Variants in LEF1 observed in about 807,000 individuals in gnomAD.
LEF1 encodes the protein lymphoid enhancer-binding factor 1.
LEF1 carries 14 observed loss-of-function variants against 51.2 expected under a neutral mutation model. The observed-to-expected ratio is 0.27, with a 90% confidence interval of 0.18 to 0.43. The LOEUF is 0.43. Ranked by LOEUF, LEF1 falls within the 20% of genes least tolerant of loss-of-function variation. LEF1 has a pLI of 1.00. For missense variants in LEF1, 386 were observed against 512.0 expected (o/e 0.75, Z 2.37); for synonymous variants, 185 against 183.2 (o/e 1.01, Z -0.08).
chr4:108,095,849 CTG>C (rs1282487802), intron 3 of LEF1, among the ~76,000 whole-genome samples: 1 of 152,120 alleles, frequency 6.6e-6, no homozygotes, highest in East Asian at 1.9e-4. Context: ...TTTTCAGTAA[CTG>C]GAGCCTGTAA....
intron 3 of LEF1, among the ~76,000 whole-genome samples, chr4:108,092,942 A>AAAAAAAAAAAAAAACAAC (rs1553952210): frequency 6.9e-6 from 1 of 144,962 alleles, no homozygotes; most frequent in Non-Finnish European, 1.5e-5. Flanking sequence ...AAAAAAAAAA[A>AAAAAAAAAAAAAAACAAC]AAAAAAAGAC....
At chr4:108,066,592 T>TA (rs1378288008) in intron 9 of LEF1, among the ~76,000 whole-genome samples, 5 of 152,232 alleles carry the variant, frequency 3.3e-5, no homozygotes, top group African/African-American at 7.2e-5. Context: ...CCTGCACCGT[T>TA]ACGCTTCTAC....
At position 108,092,939 on chromosome 4, in the gene LEF1, A is replaced by AAAAAAAAAAAAAAAAAAAAC. The variant is rs1553952202; in HGVS notation, c.415-3683_415-3682insGTTTTTTTTTTTTTTTTTTT. ...ATGTAAAAAAAAAAAAAAAAAAAAA[A>AAAAAAAAAAAAAAAAAAAAC]AAAAAAAAAAGACAAGCAAAATCTG... is the stretch of plus-strand genomic sequence containing the variant. On this transcript the variant is annotated intron_variant, in intron 3 of 11. Transcript: ENST00000265165. Among the ~76,000 whole-genome samples, 60 of 90,706 alleles carry AAAAAAAAAAAAAAAAAAAAC rather than the reference A, an allele frequency of 6.6e-4. 2 individuals carry two copies. The highest frequency in any genetic ancestry group is 8.7e-4 in the Non-Finnish European group (39 of 44,958). 59.5% of individuals were successfully genotyped at this position (90,706 alleles called of 152,430 possible).
intron 8 of LEF1, among the ~76,000 whole-genome samples, chr4:108,076,475 T>TCTCCTGC (rs903664562): frequency 3.9e-5 from 6 of 152,072 alleles, no homozygotes; most frequent in East Asian, 1.9e-4. Context: ...TTCAAGTGAT[T>TCTCCTGC]CTCCTGCCTC....
chr4:108,166,355 C>A, intron 1 of LEF1: 1 of 1,504,786 alleles, frequency 6.6e-7, no homozygotes, highest in Non-Finnish European at 8.8e-7. Context: ...CCCTCAAAAC[C>A]ACACACTTTC....
At chr4:108,139,405 G>A (rs778906632) in intron 3 of LEF1, among the ~76,000 whole-genome samples, 1 of 152,184 alleles carries the variant, frequency 6.6e-6, no homozygotes, top group Non-Finnish European at 1.5e-5. Context: ...AAATAGCATG[G>A]CATCTACATC....
chr4:108,083,514 T>C (rs1739452367), intron 4 of LEF1, 68 bp from the exon 5 acceptor site: 2 of 959,170 alleles, frequency 2.1e-6, no homozygotes, highest in Non-Finnish European at 3.2e-6. Context: ...TGCAACTACA[T>C]GTTTTATACC....
chr4:108,163,298 ATTT>A (rs1745176314), intron 3 of LEF1, among the ~76,000 whole-genome samples: 1 of 152,166 alleles, frequency 6.6e-6, no homozygotes, highest in African/African-American at 2.4e-5. Context: ...AAAATCAGGG[ATTT>A]GTTGATGTAA....
rs1745316788 is a variant in LEF1, at chr4:108,165,290, C to CT, written c.214-128dup. The stretch of plus-strand genomic sequence containing the variant: ...TTTAGGGGCAACTCTGTTTTATACT[C>CT]TGAGAGACATACGCTAGTGTTTAGT... On this transcript the variant is annotated intron_variant, in intron 1 of 11. Transcript: ENST00000265165. 8.7e-6 allele frequency: 7 copies of CT among 801,714 alleles called. No individual in the cohort carries two copies. In the South Asian group the frequency reaches 8.9e-5, roughly 10 times the overall value. The allele number at this position is 801,714 out of a possible 1,614,324, so 49.7% of individuals were successfully genotyped here.
chr4:108,154,756 T>C (rs1483388157), intron 3 of LEF1, among the ~76,000 whole-genome samples: 2 of 152,150 alleles, frequency 1.3e-5, no homozygotes, highest in Non-Finnish European at 2.9e-5. Context: ...TTAACCAGTA[T>C]ACAAAGATGA....
At chr4:108,055,087 CT>C (rs2126256544) in intron 11 of LEF1, among the ~76,000 whole-genome samples, 1 of 152,248 alleles carries the variant, frequency 6.6e-6, no homozygotes, top group African/African-American at 2.4e-5. Context: ...ACATTTTAGC[CT>C]TTCTTAAAAT....
Position 108,158,975 on chromosome 4 carries a change from G to C in LEF1, c.414+4593C>G, listed in dbSNP as rs1006354692. Among the ~76,000 whole-genome samples, 10 of 151,748 alleles carry C rather than the reference G, an allele frequency of 6.6e-5. No homozygotes were observed. The South Asian group carries it at 1.0e-3, about 16-fold the overall frequency. On this transcript the variant is annotated intron_variant, in intron 3 of 11. Coordinates refer to ENST00000265165, the MANE Select transcript of LEF1 (RefSeq NM_016269.5). ...GATTGGCTCAATGGTCTTTTTTTTA[G>C]TGTGTGGTCTTTTTTTTTTAAGACT...
At chr4:108,055,953 C>T (rs1158326746) in intron 11 of LEF1, among the ~76,000 whole-genome samples, 1 of 152,220 alleles carries the variant, frequency 6.6e-6, no homozygotes, top group Non-Finnish European at 1.5e-5. Flanking sequence ...CCCCAACTAT[C>T]AGCTTCCTAG....
intron 8 of LEF1, among the ~76,000 whole-genome samples, chr4:108,074,615 G>C (rs999105766): frequency 6.6e-6 from 1 of 152,200 alleles, no homozygotes; most frequent in African/African-American, 2.4e-5. Flanking sequence ...TCATGATTTT[G>C]ATGCCAGAGA....
At chr4:108,130,126 G>A (rs577131109) in intron 3 of LEF1, among the ~76,000 whole-genome samples, 31 of 152,054 alleles carry the variant, frequency 2.0e-4, no homozygotes, top group Non-Finnish European at 3.2e-4. Context: ...GTTTTAGGGT[G>A]AGCTAAAATA....
At chr4:108,158,436 G>A (rs1160733594) in intron 3 of LEF1, among the ~76,000 whole-genome samples, 2 of 151,540 alleles carry the variant, frequency 1.3e-5, no homozygotes, top group East Asian at 3.9e-4. Flanking sequence ...GAGAGAGAGA[G>A]CGCGCAACCT....
intron 3 of LEF1, among the ~76,000 whole-genome samples, chr4:108,102,030 T>G (rs1427110292): frequency 6.9e-6 from 1 of 144,258 alleles, no homozygotes; most frequent in Non-Finnish European, 1.5e-5. Flanking sequence ...ACCATTGCAC[T>G]CCAGCCTGGG....
chr4:108,085,577 ACAG>A (rs1739588047), intron 4 of LEF1, among the ~76,000 whole-genome samples: 1 of 152,240 alleles, frequency 6.6e-6, no homozygotes, highest in East Asian at 1.9e-4. Context: ...TGCTTAGAAC[ACAG>A]CAGTAGTGAT....
At chr4:108,139,972 T>C (rs1743539420) in intron 3 of LEF1, among the ~76,000 whole-genome samples, 1 of 152,180 alleles carries the variant, frequency 6.6e-6, no homozygotes. Context: ...GGGGACTTTC[T>C]AGCTCTCCTT....
Sources: gnomAD v4.1 joint callset for allele counts (sites outside exome capture counted in the v4.1 genomes callset) on GRCh38, gnomAD v4.1.1 for gene constraint, MANE v1.5 for transcripts, NCBI Gene and HGNC (gene_info 2026-07-23, HGNC 2026-07-21) for gene names.